The following PCDHGA4 variants were observed in gnomAD, a reference collection of about 807,000 sequenced individuals.
PCDHGA4 encodes protocadherin gamma subfamily A, 4.
PCDHGA4 carries 38 observed loss-of-function variants against 54.6 expected under a neutral mutation model. The observed-to-expected ratio is 0.70, with a 90% CI of 0.54 to 0.91. The LOEUF (loss-of-function observed/expected upper bound fraction) is 0.91. Ranked by LOEUF, PCDHGA4 falls within the 40% of genes least tolerant of loss-of-function variation. The probability of loss-of-function intolerance (pLI) is 0.00; values close to 1 mark genes in which losing one functional copy is unlikely to be tolerated. For missense variants in PCDHGA4, 1,298 were observed against 1,220.9 expected, an observed-to-expected ratio of 1.06 and a Z score of -0.94; for synonymous variants, 511 against 512.9, an observed-to-expected ratio of 1.00 and a Z score of 0.05.
At chr5:141,423,362 T>G (rs1419859253) in intron 1 of PCDHGA4, 1 of 1,614,112 alleles carries the variant, frequency 6.2e-7, no homozygotes, top group African/African-American at 1.3e-5. Flanking sequence ...GTCATCGTGC[T>G]GCTGGCACTC....
At chr5:141,390,107 C>G (rs778685705) in intron 1 of PCDHGA4, 19 of 1,614,066 alleles carry the variant, frequency 1.2e-5, no homozygotes, top group Non-Finnish European at 1.6e-5. Context: ...CCCCCAACTA[C>G]AGCGAGGGGA....
chr5:141,360,688 A>T, intron 1 of PCDHGA4: 1 of 1,613,902 alleles, frequency 6.2e-7, no homozygotes, highest in Non-Finnish European at 8.5e-7. Context: ...TGAGAAACAG[A>T]CTCCAGATGG....
intron 1 of PCDHGA4, chr5:141,400,383 T>C (rs1267422491): frequency 6.2e-7 from 1 of 1,614,088 alleles, no homozygotes. Flanking sequence ...ACCTATGTGT[T>C]GCACATACAG....
chr5:141,397,245 G>A (rs2093494919), intron 1 of PCDHGA4, among the ~76,000 whole-genome samples: 1 of 152,148 alleles, frequency 6.6e-6, no homozygotes, highest in African/African-American at 2.4e-5. Flanking sequence ...CAACGTAGTA[G>A]GGTATATCAT....
chr5:141,382,997 A>G lies in PCDHGA4; in HGVS notation c.2514+25376A>G, dbSNP rs1209270277. On this transcript the variant is annotated intron_variant, in intron 1 of 3. Transcript: ENST00000571252. Reference sequence around the variant, plus strand: ...GAAGCCTGGGCAGGACGTATTCTCTACTCCGTGTCGGAGGAGACGGACAAA... The same window carrying G: ...GAAGCCTGGGCAGGACGTATTCTCTGCTCCGTGTCGGAGGAGACGGACAAA... 1 of 1,613,426 alleles carries G rather than the reference A, an allele frequency of 6.2e-7. No individual in the cohort carries two copies. Among genetic ancestry groups the G allele is most frequent in the Non-Finnish European group, 8.5e-7 (1 of 1,179,728 alleles).
chr5:141,428,479 T>A (rs577865239), intron 1 of PCDHGA4: 1 of 328,682 alleles, frequency 3.0e-6, no homozygotes, highest in African/African-American at 2.1e-5. Flanking sequence ...TTTGCTTTAT[T>A]CCTGCAATCT....
At position 141,389,178 on chromosome 5, in the gene PCDHGA4, T is replaced by G. The variant is rs1280956707; in HGVS notation, c.2514+31557T>G. 2 of 1,613,974 alleles carry G rather than the reference T, an allele frequency of 1.2e-6. No individual in the cohort carries two copies. The highest frequency in any genetic ancestry group is 1.7e-6 in the Non-Finnish European group (2 of 1,179,890). ...AGATCGGGGCAAGCCTCCCCTCTCC[T>G]CCAGTTCCAGCATCACCCTGCACAT... On this transcript the variant is annotated intron_variant, in intron 1 of 3. Coordinates refer to ENST00000571252, the MANE Select transcript of PCDHGA4 (RefSeq NM_018917.4).
Position 141,357,135 on chromosome 5 carries a change from C to A in PCDHGA4, c.2028C>A (p.Val676=). ...CGCTCAAGCAGAGGCTTGTAGTGGT[C>A]GTCCAGGACCATGGCCAGCCCCCTC... ...RDALKQRLVV[V]VQDHGQPPLS... The change falls in exon 1 of 4, where the codon GTC becomes GTA. Residue 676 remains valine, a synonymous_variant. Transcript: ENST00000571252. 1 of 1,613,504 alleles carries A rather than the reference C, an allele frequency of 6.2e-7. No homozygotes were observed. The highest frequency in any genetic ancestry group is 8.5e-7 in the Non-Finnish European group (1 of 1,179,860).
rs780541121 is a variant in PCDHGA4 at position 141,477,533 on chromosome 5, G to T, written c.2515-17274G>T. ...TTACATTGAAGAAAACAACCTCCCCGGGGCTCCAATACTAAACCTAAGTGT... is the reference window on the plus strand; with the variant it reads ...TTACATTGAAGAAAACAACCTCCCCTGGGCTCCAATACTAAACCTAAGTGT... On this transcript the variant is annotated intron_variant, in intron 1 of 3. Coordinates refer to ENST00000571252, the MANE Select transcript of PCDHGA4 (RefSeq NM_018917.4). This position sits in a 1 kb window ranked among gnomAD's most constrained non-coding sequence, Gnocchi z 4.9. 6.2e-7 allele frequency: 1 copy of T among 1,614,010 alleles called. No homozygotes were observed. The highest frequency in any genetic ancestry group is 1.1e-5 in the South Asian group (1 of 91,066).
chr5:141,413,194 C>T lies in PCDHGA4; in HGVS notation c.2514+55573C>T, dbSNP rs749749411. ...GACTACAATGGCCGCTCAAAGGAAT[C>T]GCTCAAAGGAATCAAAGGATTGCAG... On this transcript the variant is annotated intron_variant, in intron 1 of 3. Coordinates refer to ENST00000571252, the MANE Select transcript of PCDHGA4 (RefSeq NM_018917.4). 5.3e-5 allele frequency: 85 copies of T among 1,607,784 alleles called. No individual in the cohort carries two copies. Among genetic ancestry groups the T allele is most frequent in the Non-Finnish European group, 7.0e-5 (82 of 1,176,492 alleles).
intron 1 of PCDHGA4, chr5:141,382,820 A>T (rs1369130732): frequency 3.1e-6 from 4 of 1,304,848 alleles, no homozygotes; most frequent in Non-Finnish European, 4.2e-6. Context: ...CCTTCCTAAG[A>T]CAGAGGGGTC....
intron 1 of PCDHGA4, among the ~76,000 whole-genome samples, chr5:141,455,146 A>G (rs2098814943): frequency 6.7e-6 from 1 of 149,242 alleles, no homozygotes; most frequent in South Asian, 2.1e-4. Flanking sequence ...TGTTAAATAA[A>G]TATTAGTTTG....
chr5:141,423,177 C>G (rs748689237), intron 1 of PCDHGA4: 7 of 1,613,430 alleles, frequency 4.3e-6, no homozygotes, highest in Non-Finnish European at 5.1e-6. Context: ...TCCAGGACCA[C>G]GGCCAGCCCC....
chr5:141,489,990 A>G lies in PCDHGA4; in HGVS notation c.2515-4817A>G. ...TCCAATCCTCAGTTCTACGTGTGGG[A>G]ATCCCAGAGAATGCACCCATTGGTA... is the stretch of plus-strand genomic sequence containing the variant. On this transcript the variant is annotated intron_variant, in intron 1 of 3. Transcript: ENST00000571252. This position sits in a 1 kb window ranked among gnomAD's most constrained non-coding sequence, Gnocchi z 4.5. 6.2e-7 allele frequency: 1 copy of G among 1,614,256 alleles called. No individual in the cohort carries two copies. Among genetic ancestry groups the G allele is most frequent in the Non-Finnish European group, 8.5e-7 (1 of 1,180,030 alleles).
rs1430647254 is a variant in PCDHGA4 at position 141,477,750 on chromosome 5, C to T, written c.2515-17057C>T. On this transcript the variant is annotated intron_variant, in intron 1 of 3. Coordinates refer to ENST00000571252, the MANE Select transcript of PCDHGA4 (RefSeq NM_018917.4). This position sits in a 1 kb window ranked among gnomAD's most constrained non-coding sequence, Gnocchi z 4.9. ...GCTCATATCAGCGATGGGGGCACCC[C>T]GGTCCTAGCCACCAACATCAGCGTG... 8 of 1,613,772 alleles carry T rather than the reference C, an allele frequency of 5.0e-6. No individual in the cohort carries two copies. Among genetic ancestry groups the T allele is most frequent in the East Asian group, 2.2e-5 (1 of 44,890 alleles).
Position 141,431,687 on chromosome 5 carries a change from G to A in PCDHGA4, c.2515-63120G>A. On this transcript the variant is annotated intron_variant, in intron 1 of 3. Transcript: ENST00000571252. This position sits in a 1 kb window ranked among gnomAD's most constrained non-coding sequence, Gnocchi z 4.8. ...ATCAACAATAGGGGAGTTGGACCAC[G>A]AGGAGTCAGGATTCTACCAGATGGA... The A allele has an allele frequency of 1.9e-6, 3 of 1,614,214 alleles. No homozygotes were observed. Among genetic ancestry groups the A allele is most frequent in the Middle Eastern group, 1.6e-4 (1 of 6,062 alleles).
At chr5:141,448,074 G>A (rs1008235342) in intron 1 of PCDHGA4, among the ~76,000 whole-genome samples, 3 of 151,152 alleles carry the variant, frequency 2.0e-5, no homozygotes, top group Admixed American at 1.3e-4. Context: ...CAACATGAAC[G>A]AAATGCCATC....
At chr5:141,474,156 A>T (rs1387216017) in intron 1 of PCDHGA4, among the ~76,000 whole-genome samples, 1 of 152,244 alleles carries the variant, frequency 6.6e-6, no homozygotes, top group Non-Finnish European at 1.5e-5. Context: ...CAAGAAAATG[A>T]CAGGCCTTAT....
chr5:141,420,028 A>C, intron 1 of PCDHGA4: 2 of 1,614,076 alleles, frequency 1.2e-6, no homozygotes, highest in Non-Finnish European at 1.7e-6. Flanking sequence ...GCCCTACTGC[A>C]GGAGACTGCT....
Sources: gnomAD v4.1 joint callset for allele counts (sites outside exome capture counted in the v4.1 genomes callset) on GRCh38, gnomAD v4.1.1 for gene constraint, Gnocchi (gnomAD v3.1) non-coding constraint, MANE v1.5 for transcripts, NCBI Gene and HGNC (gene_info 2026-07-23, HGNC 2026-07-21) for gene names.